The following PCDHA3 variants were observed in gnomAD, a reference collection of about 807,000 sequenced individuals.
PCDHA3 encodes protocadherin alpha-3.
A neutral mutation model predicts 62.2 loss-of-function variants in PCDHA3; 41 were observed. That is an observed-to-expected ratio of 0.66 (90% CI 0.51 to 0.86). PCDHA3 has a LOEUF of 0.86. Among genes scored for constraint, PCDHA3 ranks in the 40% least tolerant of loss-of-function variants. The pLI, the probability that PCDHA3 is intolerant of heterozygous loss-of-function variation, is 0.00. For missense variants in PCDHA3, 1,304 were observed against 1,241.2 expected, an observed-to-expected ratio of 1.05 and a Z score of -0.76; for synonymous variants, 640 against 555.4, an observed-to-expected ratio of 1.15 and a Z score of -2.14.
At chr5:140,879,805 A>T (rs992856039) in intron 1 of PCDHA3, among the ~76,000 whole-genome samples, 2 of 152,128 alleles carry the variant, frequency 1.3e-5, no homozygotes, top group Non-Finnish European at 1.5e-5. Context: ...TCCAGTTTCT[A>T]TTGGCTGTTG....
At chr5:140,995,025 C>A (rs1304675289) in intron 3 of PCDHA3, among the ~76,000 whole-genome samples, 1 of 152,146 alleles carries the variant, frequency 6.6e-6, no homozygotes, top group Non-Finnish European at 1.5e-5. Context: ...AAAGAAGATT[C>A]TTTTAAGTTT....
At chr5:140,833,830 T>C (rs186184470) in intron 1 of PCDHA3, among the ~76,000 whole-genome samples, 1 of 152,148 alleles carries the variant, frequency 6.6e-6, no homozygotes, top group East Asian at 1.9e-4. Context: ...CCTAAAAGAG[T>C]ACAGGATTTT....
At chr5:140,982,688 ATACATACATGATTTCCT>A in intron 3 of PCDHA3, 125 bp downstream of exon 3, 1 of 1,415,764 alleles carries the variant, frequency 7.1e-7, no homozygotes, top group African/African-American at 1.4e-5. Flanking sequence ...CCTTTTTTCC[ATACATACATGATTTCCT>A]TACATATATG....
At chr5:140,924,588 T>C (rs2081910916) in intron 1 of PCDHA3, among the ~76,000 whole-genome samples, 1 of 152,212 alleles carries the variant, frequency 6.6e-6, no homozygotes, top group East Asian at 1.9e-4. Context: ...TCAAATATTA[T>C]AGAAATATGC....
chr5:140,982,795 A>ATG (rs60616196), intron 3 of PCDHA3, among the ~76,000 whole-genome samples: 5,064 of 151,610 alleles, frequency 0.033, 263 homozygotes, highest in African/African-American at 0.11. Context: ...GCATGTGTGC[A>ATG]TGTGTGTGTG....
intron 1 of PCDHA3, chr5:140,851,486 C>A (rs2042075619): frequency 1.1e-6 from 1 of 886,576 alleles, no homozygotes; most frequent in Middle Eastern, 5.8e-4. Context: ...ATAAACACAG[C>A]CTTCATTTCA....
intron 1 of PCDHA3, chr5:140,841,584 C>G (rs2150318562): frequency 1.2e-6 from 2 of 1,614,028 alleles, no homozygotes; most frequent in South Asian, 1.1e-5. Flanking sequence ...TTTGTGAATT[C>G]TCGGATCGAC....
In PCDHA3 at chr5:140,937,039, C is replaced by CTT. The variant is rs34994034; in HGVS notation, c.2395-41895_2395-41894dup. On this transcript the variant is annotated intron_variant, in intron 1 of 3. Coordinates refer to ENST00000522353, the MANE Select transcript of PCDHA3 (RefSeq NM_018906.3). ...TAACAAGGTATATTCTTCCATTTATCTTTTTTTTTTTTTTTTGAGACGGAG... is the reference window on the plus strand; with the variant it reads ...TAACAAGGTATATTCTTCCATTTATCTTTTTTTTTTTTTTTTTTGAGACGGAG... 3.4e-3 allele frequency among the ~76,000 whole-genome samples: 476 copies of CTT among 140,122 alleles called. 6 individuals carry two copies. The highest frequency in any genetic ancestry group is 0.011 in the South Asian group (47 of 4,432). 91.9% of individuals were successfully genotyped at this position (140,122 alleles called of 152,430 possible).
At position 140,877,853 on chromosome 5, in the gene PCDHA3, A is replaced by G. The variant is rs1299590962; in HGVS notation, c.2394+74262A>G. On this transcript the variant is annotated intron_variant, in intron 1 of 3. Transcript: ENST00000522353. ...CCTCCCAGTGAAGTAAGTTATTAAT[A>G]TTATTTAGATATATTTGTTTCCTTG... 2.0e-6 allele frequency: 3 copies of G among 1,535,406 alleles called. No homozygotes were observed. The East Asian group carries it at 7.1e-5, about 36-fold the overall frequency.
intron 1 of PCDHA3, chr5:140,843,430 C>T: frequency 6.3e-7 from 1 of 1,596,170 alleles, no homozygotes; most frequent in Non-Finnish European, 8.6e-7. Context: ...TGATCATCGC[C>T]ATCTGCGCGG....
At position 140,801,964 on chromosome 5, in the gene PCDHA3, C is replaced by G. The variant is rs145878786; in HGVS notation, c.767C>G (p.Pro256Arg). 3.7e-6 allele frequency: 6 copies of G among 1,614,034 alleles called. No homozygotes were observed. In the African/African-American group the frequency reaches 8.0e-5, roughly 22 times the overall value. The stretch of plus-strand genomic sequence containing the variant: ...AAAGTCAGATTACTCGAAAATGCAC[C>G]AAATGGTACCCTAGTGGTGACCGTT... The part of the protein sequence containing the change: ...IYKVRLLENA[P>R]NGTLVVTVNA... The change falls in exon 1 of 4, where the codon CCA becomes CGA. Residue 256 changes from proline (P) to arginine (R), a missense_variant. Pro to Arg is a moderately radical substitution (Grantham distance 103). Transcript: ENST00000522353.
intron 1 of PCDHA3, chr5:140,836,052 G>A (rs2150251542): frequency 2.4e-5 from 39 of 1,613,494 alleles, no homozygotes; most frequent in African/African-American, 4.0e-5. Flanking sequence ...GTTCGTGCTG[G>A]ACGAGAACGA....
chr5:140,869,439 G>A (rs1554163055), intron 1 of PCDHA3: 1 of 1,614,212 alleles, frequency 6.2e-7, no homozygotes. Flanking sequence ...TCGTGGACAG[G>A]CCGCTGCAGG....
rs567779090 is a variant in PCDHA3 at position 140,808,865 on chromosome 5, G to C, written c.2394+5274G>C. 4.3e-6 allele frequency: 7 copies of C among 1,613,122 alleles called. No individual in the cohort carries two copies. The East Asian group carries it at 1.3e-4, about 31-fold the overall frequency. ...GCAGGTGTTCGTGCTGGACGAAAACGACAACGCGCCAGCACTGCTAGCGCC... is the reference window on the plus strand; with the variant it reads ...GCAGGTGTTCGTGCTGGACGAAAACCACAACGCGCCAGCACTGCTAGCGCC... On this transcript the variant is annotated intron_variant, in intron 1 of 3. Coordinates refer to ENST00000522353, the MANE Select transcript of PCDHA3 (RefSeq NM_018906.3).
intron 1 of PCDHA3, chr5:140,869,061 G>A: frequency 6.4e-7 from 1 of 1,558,266 alleles, no homozygotes; most frequent in South Asian, 1.2e-5. Flanking sequence ...ATCTGGTACT[G>A]TAAGTGTAAA....
At chr5:140,851,968 C>T (rs1409588887) in intron 1 of PCDHA3, 1 of 976,644 alleles carries the variant, frequency 1.0e-6, no homozygotes, top group Admixed American at 6.3e-5. Flanking sequence ...GTTTTCCACA[C>T]TCTACCTTTA....
At chr5:140,846,369 C>CTTTTTTTTTTT (rs797033964) in intron 1 of PCDHA3, among the ~76,000 whole-genome samples, 5 of 102,192 alleles carry the variant, frequency 4.9e-5, no homozygotes, top group African/African-American at 7.6e-5. Context: ...TCTTTTCTTT[C>CTTTTTTTTTTT]TTTCTTTTTT....
chr5:141,006,067 A>G (rs1202024176), intron 3 of PCDHA3, among the ~76,000 whole-genome samples: 4 of 151,950 alleles, frequency 2.6e-5, no homozygotes, highest in Admixed American at 6.6e-5. Flanking sequence ...AGAAATAAAA[A>G]TCAGATTATT....
At chr5:140,973,862 A>G (rs1438238778) in intron 1 of PCDHA3, among the ~76,000 whole-genome samples, 2 of 152,196 alleles carry the variant, frequency 1.3e-5, no homozygotes, top group Non-Finnish European at 2.9e-5. Flanking sequence ...TTTGCTCTCA[A>G]TGAGAGGTCA....
Sources: gnomAD v4.1 joint callset for allele counts (sites outside exome capture counted in the v4.1 genomes callset) on GRCh38, gnomAD v4.1.1 for gene constraint, MANE v1.5 for transcripts, NCBI Gene and HGNC (gene_info 2026-07-23, HGNC 2026-07-21) for gene names.